The following DOK5 variants were observed in gnomAD, a reference collection of about 807,000 sequenced individuals.
DOK5 encodes docking protein 5.
DOK5 carries 27 observed loss-of-function variants against 43.3 expected under a neutral mutation model. The observed-to-expected ratio is 0.62, with a 90% confidence interval of 0.46 to 0.86. The LOEUF is 0.86. DOK5 is among the 40% of genes least tolerant of loss of function. The pLI, the probability that DOK5 is intolerant of heterozygous loss-of-function variation, is 0.00. For missense variants in DOK5, 373 were observed against 392.9 expected (o/e 0.95, Z 0.43); for synonymous variants, 146 against 140.1 (o/e 1.04, Z -0.30).
chr20:54,644,718 A>AAAAAAAAAAAAAAAAAAAAC (rs1555839806), intron 7 of DOK5, among the ~76,000 whole-genome samples: 1 of 142,500 alleles, frequency 7.0e-6, no homozygotes, highest in African/African-American at 2.9e-5. Context: ...AAAAAAAAAA[A>AAAAAAAAAAAAAAAAAAAAC]AAAAAACAAA....
In DOK5 at chr20:54,533,407, T is replaced by A. The variant is rs181045900; in HGVS notation, c.67-21526T>A. Among the ~76,000 whole-genome samples the A allele has an allele frequency of 2.7e-3, 411 of 152,346 alleles. 1 individual carries two copies. Among genetic ancestry groups the A allele is most frequent in the Middle Eastern group, 0.01 (3 of 294 alleles). On this transcript the variant is annotated intron_variant, in intron 1 of 7. Transcript: ENST00000262593. ...TGGATTGTGTTTATGAACTGGATGA[T>A]GTATTATAAGAGGCCATTTCACAGC... is the stretch of plus-strand genomic sequence containing the variant.
chr20:54,611,214 G>A (rs955781497), intron 6 of DOK5, among the ~76,000 whole-genome samples: 10 of 152,156 alleles, frequency 6.6e-5, no homozygotes, highest in Non-Finnish European at 1.5e-4. Flanking sequence ...CATGCCCTCA[G>A]AACACTTACT....
intron 6 of DOK5, among the ~76,000 whole-genome samples, chr20:54,619,679 G>A (rs1986923259): frequency 6.6e-6 from 1 of 152,054 alleles, no homozygotes; most frequent in South Asian, 2.1e-4. Context: ...ACTTCTTTGT[G>A]TTTCTTTGTT....
intron 1 of DOK5, among the ~76,000 whole-genome samples, chr20:54,483,103 C>A (rs529430369): frequency 1.3e-5 from 2 of 152,132 alleles, no homozygotes; most frequent in Non-Finnish European, 2.9e-5. Context: ...GTGGATGAGA[C>A]GATTAATTGT....
chr20:54,476,438 G>C (rs1277241562), intron 1 of DOK5, among the ~76,000 whole-genome samples: 1 of 152,148 alleles, frequency 6.6e-6, no homozygotes, highest in South Asian at 2.1e-4. Flanking sequence ...CGCATACTCG[G>C]TGTGAACGAG....
At chr20:54,634,130 C>T (rs1978700597) in intron 6 of DOK5, among the ~76,000 whole-genome samples, 1 of 152,158 alleles carries the variant, frequency 6.6e-6, no homozygotes, top group African/African-American at 2.4e-5. Flanking sequence ...AGTTGTTTTT[C>T]TTTTCTCAGT....
chr20:54,519,307 G>A (rs1164807775), intron 1 of DOK5, among the ~76,000 whole-genome samples: 1 of 152,146 alleles, frequency 6.6e-6, no homozygotes, highest in Non-Finnish European at 1.5e-5. Flanking sequence ...CATGATGTAT[G>A]TTTAATATTT....
At chr20:54,547,098 T>C (rs1456845809) in intron 1 of DOK5, among the ~76,000 whole-genome samples, 1 of 152,200 alleles carries the variant, frequency 6.6e-6, no homozygotes, top group Non-Finnish European at 1.5e-5. Context: ...GTTGGCAAAC[T>C]ATGGTCCACA....
At chr20:54,484,134 T>A (rs535184679) in intron 1 of DOK5, among the ~76,000 whole-genome samples, 2 of 152,236 alleles carry the variant, frequency 1.3e-5, no homozygotes, top group South Asian at 2.1e-4. Flanking sequence ...ATCCCAGCAC[T>A]TTGGGAGGCC....
chr20:54,642,871 G>T (rs1395748110), intron 6 of DOK5, among the ~76,000 whole-genome samples: 1 of 152,022 alleles, frequency 6.6e-6, no homozygotes, highest in Non-Finnish European at 1.5e-5. Context: ...GCTTTTCTTG[G>T]CTGTCTTCTT....
At chr20:54,557,024 T>C (rs1486044286) in intron 2 of DOK5, among the ~76,000 whole-genome samples, 8 of 152,156 alleles carry the variant, frequency 5.3e-5, no homozygotes, top group African/African-American at 1.7e-4. Context: ...CATCGGCAAA[T>C]GGTGTTGGCT....
chr20:54,486,837 ATTTTTTAT>A (rs1326376622), intron 1 of DOK5, among the ~76,000 whole-genome samples: 1 of 152,008 alleles, frequency 6.6e-6, no homozygotes, highest in African/African-American at 2.4e-5. Flanking sequence ...ATTGATTTTT[ATTTTTTAT>A]TGGTAAGAGG....
At chr20:54,628,238 C>T (rs1288162096) in intron 6 of DOK5, among the ~76,000 whole-genome samples, 2 of 151,692 alleles carry the variant, frequency 1.3e-5, no homozygotes, top group Admixed American at 1.3e-4. Flanking sequence ...ATTCTTCCTT[C>T]TCTACTAAAA....
At chr20:54,511,565 A>G (rs1169735607) in intron 1 of DOK5, among the ~76,000 whole-genome samples, 1 of 152,244 alleles carries the variant, frequency 6.6e-6, no homozygotes, top group Non-Finnish European at 1.5e-5. Context: ...CTGTCAACTA[A>G]CACTAGGTAA....
intron 1 of DOK5, among the ~76,000 whole-genome samples, chr20:54,532,072 A>G (rs1189020609): frequency 3.3e-5 from 5 of 152,200 alleles, no homozygotes; most frequent in Admixed American, 3.3e-4. Flanking sequence ...AATGAAGGCT[A>G]TAGACAAATA....
intron 6 of DOK5, among the ~76,000 whole-genome samples, chr20:54,638,522 C>T (rs1050861842): frequency 1.1e-4 from 16 of 152,088 alleles, no homozygotes; most frequent in African/African-American, 2.4e-4. Flanking sequence ...GTCCCTTGAC[C>T]GGTTAACTCA....
chr20:54,597,441 G>A (rs1427085180), intron 5 of DOK5, among the ~76,000 whole-genome samples: 1 of 152,166 alleles, frequency 6.6e-6, no homozygotes, highest in East Asian at 1.9e-4. Context: ...AGGTGTATGA[G>A]CCATTGAAAA....
chr20:54,486,568 C>T (rs1045896504), intron 1 of DOK5, among the ~76,000 whole-genome samples: 1 of 150,860 alleles, frequency 6.6e-6, no homozygotes, highest in Admixed American at 6.6e-5. Flanking sequence ...CACACACACA[C>T]ATGCACACAC....
intron 1 of DOK5, among the ~76,000 whole-genome samples, chr20:54,541,733 G>A (rs902441744): frequency 2.3e-4 from 35 of 152,046 alleles, no homozygotes; most frequent in Middle Eastern, 3.2e-3. Flanking sequence ...CACCGTGCCC[G>A]GCCAAGCCAA....
Sources: gnomAD v4.1 joint callset for allele counts (sites outside exome capture counted in the v4.1 genomes callset) on GRCh38, gnomAD v4.1.1 for gene constraint, MANE v1.5 for transcripts, NCBI Gene and HGNC (gene_info 2026-07-23, HGNC 2026-07-21) for gene names.